Variants in TTBK2 observed in about 807,000 individuals in gnomAD.
The protein encoded by TTBK2 is tau-tubulin kinase 2.
In TTBK2, 28 loss-of-function variants were observed where a neutral mutation model predicts 110.8. That is an observed-to-expected ratio of 0.25 (90% CI 0.19 to 0.35). The LOEUF is 0.35. Among genes scored for constraint, TTBK2 ranks in the 10% least tolerant of loss-of-function variants. The pLI is 1.00. For missense variants in TTBK2, 1,369 were observed against 1,500.3 expected, an observed-to-expected ratio of 0.91 and a Z score of 1.45; for synonymous variants, 532 against 527.3, an observed-to-expected ratio of 1.01 and a Z score of -0.12.
intron 10 of TTBK2, among the ~76,000 whole-genome samples, chr15:42,789,854 TACACACACACAC>T (rs58536399): frequency 6.8e-6 from 1 of 147,818 alleles, no homozygotes; most frequent in South Asian, 2.2e-4. Context: ...ATACATACAA[TACACACACACAC>T]ACACACACAC....
At chr15:42,830,160 T>C in intron 4 of TTBK2, 82 bp from the exon 5 acceptor site, 1 of 1,541,314 alleles carries the variant, frequency 6.5e-7, no homozygotes, top group Non-Finnish European at 8.8e-7. Flanking sequence ...TCACTTACCA[T>C]TAAAAGATGT....
chr15:42,875,634 C>T (rs1894788076), intron 2 of TTBK2, among the ~76,000 whole-genome samples: 2 of 151,914 alleles, frequency 1.3e-5, no homozygotes. Context: ...TGGCCAGGCA[C>T]AGTGGCTCAC....
intron 14 of TTBK2, 126 bp from the exon 15 acceptor site, chr15:42,746,383 T>C: frequency 2.6e-6 from 2 of 755,762 alleles, no homozygotes; most frequent in Non-Finnish European, 4.3e-6. Flanking sequence ...GGATACAGGG[T>C]TACTCTGTCA....
intron 9 of TTBK2, among the ~76,000 whole-genome samples, chr15:42,808,511 TG>T (rs145353556): frequency 0.03 from 4,497 of 152,222 alleles, 194 homozygotes; most frequent in East Asian, 0.13. Context: ...GGAGGTTTAT[TG>T]TTTTTTTTAA....
At chr15:42,830,142 G>A (rs978889692) in intron 4 of TTBK2, 64 bp from the exon 5 acceptor site, 211 of 1,589,274 alleles carry the variant, frequency 1.3e-4, no homozygotes, top group Non-Finnish European at 1.8e-4. Flanking sequence ...AGAAGACTGG[G>A]AAACTACTCA....
chr15:42,885,658 C>T (rs978726407), intron 1 of TTBK2, among the ~76,000 whole-genome samples: 1 of 152,014 alleles, frequency 6.6e-6, no homozygotes, highest in Admixed American at 6.6e-5. Context: ...GGGCAAGTAC[C>T]CCCCGACCTC....
At chr15:42,760,544 A>G (rs2062012165) in intron 13 of TTBK2, among the ~76,000 whole-genome samples, 1 of 152,176 alleles carries the variant, frequency 6.6e-6, no homozygotes, top group Non-Finnish European at 1.5e-5. Flanking sequence ...TAATGAAGAA[A>G]ACCTACAGGA....
chr15:42,747,860 T>C (rs963831596), intron 14 of TTBK2, among the ~76,000 whole-genome samples: 1 of 152,128 alleles, frequency 6.6e-6, no homozygotes, highest in African/African-American at 2.4e-5. Flanking sequence ...CTATGGGAAA[T>C]GAGTATTGCA....
chr15:42,785,517 G>A (rs1890372467), intron 10 of TTBK2, among the ~76,000 whole-genome samples: 2 of 152,300 alleles, frequency 1.3e-5, no homozygotes, highest in Non-Finnish European at 2.9e-5. Flanking sequence ...TAGACTTTCT[G>A]TAATTATACA....
At chr15:42,817,857 A>G (rs758033111) in intron 6 of TTBK2, among the ~76,000 whole-genome samples, 1 of 152,180 alleles carries the variant, frequency 6.6e-6, no homozygotes, top group East Asian at 1.9e-4. Flanking sequence ...AGCTCCCTGA[A>G]TCCCTCCAAT....
intron 1 of TTBK2, among the ~76,000 whole-genome samples, chr15:42,899,835 G>C (rs1026854611): frequency 2.0e-5 from 3 of 151,566 alleles, no homozygotes; most frequent in Non-Finnish European, 4.4e-5. Context: ...CCAGGAGGCG[G>C]AGGTTGCAGT....
intron 1 of TTBK2, among the ~76,000 whole-genome samples, chr15:42,906,117 G>A (rs1225912933): frequency 6.6e-6 from 1 of 152,150 alleles, no homozygotes; most frequent in South Asian, 2.1e-4. Flanking sequence ...GAACCTGGGA[G>A]GTGGAGGTTG....
intron 14 of TTBK2, among the ~76,000 whole-genome samples, chr15:42,748,451 C>T (rs1025088164): frequency 4.6e-5 from 7 of 151,166 alleles, no homozygotes; most frequent in African/African-American, 9.7e-5. Flanking sequence ...AGCAAGATTC[C>T]GTCTCAAAAG....
intron 2 of TTBK2, among the ~76,000 whole-genome samples, chr15:42,875,769 G>T (rs1346985701): frequency 6.6e-6 from 1 of 152,066 alleles, no homozygotes; most frequent in African/African-American, 2.4e-5. Context: ...TAGCCAGTGT[G>T]ATGGCGCGTG....
intron 4 of TTBK2, among the ~76,000 whole-genome samples, chr15:42,838,144 G>A (rs1893069830): frequency 6.6e-6 from 1 of 152,048 alleles, no homozygotes; most frequent in African/African-American, 2.4e-5. Flanking sequence ...GGAGGCGGAG[G>A]TTGCAGTGAG....
chr15:42,840,238 G>T, intron 4 of TTBK2, 122 bp downstream of exon 4: 2 of 897,548 alleles, frequency 2.2e-6, no homozygotes, highest in Non-Finnish European at 3.8e-6. Flanking sequence ...AGTTCCATCT[G>T]CATAGTATAA....
chr15:42,762,818 T>C (rs2062049480), intron 13 of TTBK2, among the ~76,000 whole-genome samples: 1 of 151,860 alleles, frequency 6.6e-6, no homozygotes, highest in African/African-American at 2.4e-5. Flanking sequence ...CATGGCAACA[T>C]GGATGGCACT....
In TTBK2 at chr15:42,745,606, A is replaced by ACAAAGACATTG; in HGVS notation, c.*188_*189insCAATGTCTTTG. 1.4e-6 allele frequency: 1 copy of ACAAAGACATTG among 709,526 alleles called. No individual in the cohort carries two copies. Among genetic ancestry groups the ACAAAGACATTG allele is most frequent in the Admixed American group, 2.3e-5 (1 of 43,160 alleles). 44.0% of individuals were successfully genotyped at this position (709,526 alleles called of 1,614,324 possible). A position where few individuals can be genotyped will look rare whatever the true frequency, so the allele number is the denominator to read the frequency against. Reference sequence around the variant, plus strand: ...TTCTTGTACAAAGACATTGATTCCTAATCTACTTGCTGCCTGCCTTAGGTA... The same window carrying ACAAAGACATTG: ...TTCTTGTACAAAGACATTGATTCCTACAAAGACATTGATCTACTTGCTGCCTGCCTTAGGTA... On this transcript the variant is annotated 3_prime_UTR_variant, in exon 15 of 15. Coordinates refer to ENST00000267890, the MANE Select transcript of TTBK2 (RefSeq NM_173500.4).
At chr15:42,791,182 C>T (rs1242760643) in intron 10 of TTBK2, among the ~76,000 whole-genome samples, 1 of 152,022 alleles carries the variant, frequency 6.6e-6, no homozygotes, top group Non-Finnish European at 1.5e-5. Flanking sequence ...CGGTGCCTGG[C>T]CAATTTTTGT....
Sources: allele counts gnomAD v4.1 joint callset (sites outside exome capture counted in the v4.1 genomes callset), GRCh38; gene constraint gnomAD v4.1.1; transcripts MANE v1.5; gene names NCBI Gene and HGNC (gene_info 2026-07-23, HGNC 2026-07-21).